The following PDE7B variants were observed in gnomAD, a reference collection of about 807,000 sequenced individuals.
PDE7B encodes 3',5'-cyclic-AMP phosphodiesterase 7B.
In PDE7B, 29 loss-of-function variants were observed where a neutral mutation model predicts 56.2. That is an observed-to-expected ratio of 0.52 (90% confidence interval 0.38 to 0.70). The LOEUF (loss-of-function observed/expected upper bound fraction) is 0.70, where lower values mean the gene tolerates loss of function less well. Among genes scored for constraint, PDE7B ranks in the 30% least tolerant of loss-of-function variants. The pLI is 0.00. For synonymous variants in PDE7B, 197 were observed against 196.9 expected (o/e 1.00, Z 0.00); for missense variants, 490 against 565.0 (o/e 0.87, Z 1.35).
chr6:136,052,626 C>CA (rs1554276446), intron 2 of PDE7B, among the ~76,000 whole-genome samples: 5 of 150,452 alleles, frequency 3.3e-5, no homozygotes, highest in African/African-American at 7.4e-5. Context: ...AGCCCCCCCC[C>CA]ACCCACAGCA....
intron 1 of PDE7B, among the ~76,000 whole-genome samples, chr6:135,866,903 A>C (rs1323889257): frequency 6.6e-6 from 1 of 152,162 alleles, no homozygotes; most frequent in Non-Finnish European, 1.5e-5. Flanking sequence ...GCTACGGTAA[A>C]ATTCTGGTCT....
chr6:136,075,843 A>G (rs1777120597), intron 2 of PDE7B, among the ~76,000 whole-genome samples: 1 of 152,186 alleles, frequency 6.6e-6, no homozygotes, highest in Non-Finnish European at 1.5e-5. Flanking sequence ...AGCAAAATCT[A>G]GCCCTAACGA....
chr6:135,932,891 G>C (rs1019893577), intron 1 of PDE7B, among the ~76,000 whole-genome samples: 1 of 152,206 alleles, frequency 6.6e-6, no homozygotes, highest in African/African-American at 2.4e-5. Flanking sequence ...AAAGTGGAAA[G>C]TCAGGTTTTT....
chr6:136,147,361 C>G lies in PDE7B; in HGVS notation c.177C>G (p.Tyr59Ter). ...IDFRLLNSTTYSGEIGTKKKV... is the reference protein window; with the variant it reads ...IDFRLLNSTT Reference sequence around the variant, plus strand: ...GATGACTTTCCACAGGTACAACATACTCAGGGGAGATTGGCACCAAGAAAA... The same window carrying G: ...GATGACTTTCCACAGGTACAACATAGTCAGGGGAGATTGGCACCAAGAAAA... Residue 59 changes from tyrosine to a stop codon, truncating the protein, a stop_gained, in exon 4 of 13, where the codon TAC (tyrosine) becomes TAG (stop). Transcript: ENST00000308191. LOFTEE classifies it high-confidence loss of function. 6.2e-7 allele frequency: 1 copy of G among 1,612,012 alleles called. No individual in the cohort carries two copies. The highest frequency in any genetic ancestry group is 8.5e-7 in the Non-Finnish European group (1 of 1,178,310).
intron 2 of PDE7B, among the ~76,000 whole-genome samples, chr6:136,036,234 T>C (rs1776324155): frequency 6.6e-6 from 1 of 152,208 alleles, no homozygotes; most frequent in African/African-American, 2.4e-5. Flanking sequence ...TCCTTTCATC[T>C]CTTATCAGAG....
chr6:136,082,057 C>A (rs1777216063), intron 2 of PDE7B, among the ~76,000 whole-genome samples: 1 of 152,108 alleles, frequency 6.6e-6, no homozygotes, highest in South Asian at 2.1e-4. Context: ...TGGTGGGAGG[C>A]CCACACTCTG....
intron 1 of PDE7B, among the ~76,000 whole-genome samples, chr6:135,878,323 C>G (rs1033744562): frequency 4.0e-5 from 6 of 151,762 alleles, no homozygotes; most frequent in Admixed American, 3.9e-4. Flanking sequence ...GGTCTGCTTA[C>G]GTCAGTGCTC....
At chr6:136,029,014 TG>T (rs1776195998) in intron 2 of PDE7B, among the ~76,000 whole-genome samples, 1 of 152,162 alleles carries the variant, frequency 6.6e-6, no homozygotes, top group African/African-American at 2.4e-5. Context: ...CAGGACTAGG[TG>T]AGTGGGAGCC....
At chr6:135,879,723 A>G (rs896550321) in intron 1 of PDE7B, among the ~76,000 whole-genome samples, 1 of 152,162 alleles carries the variant, frequency 6.6e-6, no homozygotes, top group African/African-American at 2.4e-5. Flanking sequence ...CAGCCTAAGA[A>G]TGATATGAAG....
At chr6:136,124,771 A>G (rs1777993517) in intron 3 of PDE7B, among the ~76,000 whole-genome samples, 1 of 152,266 alleles carries the variant, frequency 6.6e-6, no homozygotes, top group Admixed American at 6.5e-5. Context: ...CATTTATTCA[A>G]AATGACTTGT....
chr6:136,100,149 C>A (rs1278930027), intron 2 of PDE7B, among the ~76,000 whole-genome samples: 4 of 152,132 alleles, frequency 2.6e-5, no homozygotes, highest in African/African-American at 9.7e-5. Context: ...GTTTTAGTAC[C>A]AGTACCATGC....
intron 2 of PDE7B, among the ~76,000 whole-genome samples, chr6:136,003,756 C>T (rs1284136280): frequency 5.9e-5 from 9 of 152,108 alleles, no homozygotes; most frequent in Non-Finnish European, 7.4e-5. Flanking sequence ...GATTCACAGC[C>T]GAATTCTACC....
At chr6:135,889,749 CATT>C (rs1317340864) in intron 1 of PDE7B, among the ~76,000 whole-genome samples, 2 of 110,892 alleles carry the variant, frequency 1.8e-5, no homozygotes, top group African/African-American at 4.2e-5. Flanking sequence ...ACGGTGCTAC[CATT>C]TTTTTTTTTT....
At chr6:136,139,155 T>A (rs1290279653) in intron 3 of PDE7B, among the ~76,000 whole-genome samples, 1 of 152,154 alleles carries the variant, frequency 6.6e-6, no homozygotes, top group Admixed American at 6.5e-5. Flanking sequence ...GTGTGTGATG[T>A]TCGCCCTCCT....
At chr6:135,930,914 G>A (rs994602697) in intron 1 of PDE7B, among the ~76,000 whole-genome samples, 1 of 152,138 alleles carries the variant, frequency 6.6e-6, no homozygotes, top group Admixed American at 6.5e-5. Context: ...TCTTTTGCCA[G>A]AGCCCTTTGA....
intron 1 of PDE7B, among the ~76,000 whole-genome samples, chr6:135,854,526 TTGAC>T (rs904425405): frequency 6.6e-6 from 1 of 152,196 alleles, no homozygotes; most frequent in Non-Finnish European, 1.5e-5. Context: ...GGGGGTACAT[TTGAC>T]TGAGGAAGAA....
chr6:136,161,378 C>T (rs1388393647), intron 8 of PDE7B, among the ~76,000 whole-genome samples: 1 of 152,152 alleles, frequency 6.6e-6, no homozygotes, highest in Non-Finnish European at 1.5e-5. Context: ...ATCCTCAATA[C>T]CGAGAACAGT....
At chr6:136,186,532 T>G (rs1779148142) in intron 11 of PDE7B, among the ~76,000 whole-genome samples, 1 of 152,208 alleles carries the variant, frequency 6.6e-6, no homozygotes, top group South Asian at 2.1e-4. Flanking sequence ...TGATTAATTT[T>G]GTGGTTACAG....
chr6:136,194,265 T>G lies in PDE7B; in HGVS notation c.*2425T>G, dbSNP rs1779277297. On this transcript the variant is annotated 3_prime_UTR_variant, in exon 13 of 13. Transcript: ENST00000308191. ...CTTGGGACTAAAAAATGGCTTTGTT[T>G]AAATTATAATTATATAATAATTTAA... 1 of 152,116 alleles carries G rather than the reference T, an allele frequency of 6.6e-6. No homozygotes were observed. The highest frequency in any genetic ancestry group is 6.5e-5 in the Admixed American group (1 of 15,278). The allele number at this position is 152,116 out of a possible 1,614,324, so 9.4% of individuals were successfully genotyped here.
Sources: gnomAD v4.1 joint callset for allele counts (sites outside exome capture counted in the v4.1 genomes callset) on GRCh38, gnomAD v4.1.1 for gene constraint, MANE v1.5 for transcripts, NCBI Gene and HGNC (gene_info 2026-07-23, HGNC 2026-07-21) for gene names.